NHSL2: variants seen among roughly 807,000 people sequenced by gnomAD.
NHSL2 encodes NHS like 2.
Under a neutral mutation model 53.4 loss-of-function variants are expected in NHSL2, and 27 were observed. The ratio of observed to expected loss-of-function variants is 0.51; its 90% CI spans 0.37 to 0.70. The LOEUF (loss-of-function observed/expected upper bound fraction) is 0.70. NHSL2 is among the 30% of genes least tolerant of loss of function. The pLI is 0.00. For synonymous variants in NHSL2, 408 were observed against 404.1 expected (o/e 1.01, Z -0.12); for missense variants, 892 against 980.1 (o/e 0.91, Z 1.20).
Position 72,150,586 on chromosome X carries a change from CTAATCAG to C in NHSL2, c.*7015_*7021del, listed in dbSNP as rs2042504531. The C allele has an allele frequency of 8.9e-6, 1 of 112,204 alleles. No homozygotes were observed. The highest frequency in any genetic ancestry group is 3.2e-5 in the African/African-American group (1 of 30,887). The allele number at this position is 112,204 out of a possible 1,213,427, so 9.2% of individuals were successfully genotyped here. ...TCTTATCAAACAATAACAGAATTCC[CTAATCAG>C]TACTAAGCTCCGCATGCAGTCTCTT... On this transcript the variant is annotated 3_prime_UTR_variant, in exon 8 of 8. Coordinates refer to ENST00000633930, the MANE Select transcript of NHSL2 (RefSeq NM_001013627.3).
intron 1 of NHSL2, among the ~76,000 whole-genome samples, chrX:72,067,684 G>T (rs907683201): frequency 8.9e-6 from 1 of 111,983 alleles, no homozygotes; most frequent in Admixed American, 9.4e-5. Flanking sequence ...CTTCATGCTT[G>T]CTCTGGGACC....
chrX:72,019,363 A>G (rs2042149620), intron 1 of NHSL2, among the ~76,000 whole-genome samples: 1 of 112,469 alleles, frequency 8.9e-6, no homozygotes, highest in East Asian at 2.8e-4. Flanking sequence ...AAGGAGGCCA[A>G]GCCTGTGGAG....
intron 1 of NHSL2, among the ~76,000 whole-genome samples, chrX:72,107,626 C>T (rs1602374369): frequency 8.9e-6 from 1 of 112,026 alleles, no homozygotes; most frequent in African/African-American, 3.2e-5. Flanking sequence ...GACTCATGTG[C>T]ACCAACAGAC....
intron 1 of NHSL2, among the ~76,000 whole-genome samples, chrX:72,087,723 T>G (rs1323943877): frequency 9.2e-6 from 1 of 108,812 alleles, no homozygotes; most frequent in Non-Finnish European, 1.9e-5. Context: ...TACAAAAAAA[T>G]TAGCCAGGCG....
At chrX:71,934,208 C>T (rs190787538) in intron 1 of NHSL2, among the ~76,000 whole-genome samples, 3 of 112,104 alleles carry the variant, frequency 2.7e-5, no homozygotes, top group Admixed American at 1.9e-4. Context: ...CTTCTTTCAT[C>T]AATACCATGC....
intron 1 of NHSL2, among the ~76,000 whole-genome samples, chrX:71,921,841 A>T (rs2041660897): frequency 8.9e-6 from 1 of 112,641 alleles, no homozygotes; most frequent in South Asian, 3.7e-4. Context: ...CAACGTCTAG[A>T]TCAGACTCTG....
chrX:72,112,234 A>G (rs751995732), intron 1 of NHSL2, among the ~76,000 whole-genome samples: 4 of 110,071 alleles, frequency 3.6e-5, no homozygotes, highest in Non-Finnish European at 5.7e-5. Flanking sequence ...GGCCTTATAG[A>G]TCATGGTAAG....
At chrX:72,119,015 A>G (rs771586806) in intron 1 of NHSL2, among the ~76,000 whole-genome samples, 268 of 111,459 alleles carry the variant, frequency 2.4e-3, no homozygotes, top group African/African-American at 8.6e-3. Context: ...AGCGCCACTT[A>G]CTGAAAAGAT....
rs865887873 is a variant in NHSL2, at chrX:72,148,833, A to T, written c.*5259A>T. ...TGGAGAGGGAGAAAGAGAGAGAGAGAGAGTGTATGTGTGTGTGTGTGTGTG... is the reference window on the plus strand; with the variant it reads ...TGGAGAGGGAGAAAGAGAGAGAGAGTGAGTGTATGTGTGTGTGTGTGTGTG... On this transcript the variant is annotated 3_prime_UTR_variant, in exon 8 of 8. Coordinates refer to ENST00000633930, the MANE Select transcript of NHSL2 (RefSeq NM_001013627.3). 1.2e-4 allele frequency: 8 copies of T among 67,765 alleles called. No individual in the cohort carries two copies. The highest frequency in any genetic ancestry group is 5.6e-5 in the Non-Finnish European group (2 of 35,800). The allele number at this position is 67,765 out of a possible 1,213,427, so 5.6% of individuals were successfully genotyped here.
intron 1 of NHSL2, among the ~76,000 whole-genome samples, chrX:72,098,140 T>C (rs144363520): frequency 0.039 from 4,396 of 112,123 alleles, 126 homozygotes; most frequent in South Asian, 0.1. Flanking sequence ...TTCCTCAGGC[T>C]CTTCCTTGGC....
rs770523012 is a variant in NHSL2 at position 72,140,373 on chromosome X, C to T, written c.2825C>T (p.Thr942Ile). 66 of 1,211,255 alleles carry T rather than the reference C, an allele frequency of 5.4e-5. No individual in the cohort carries two copies. The highest frequency in any genetic ancestry group is 7.4e-5 in the Non-Finnish European group (66 of 895,174). ...GATGGCAGAAGCCCAGGGGAGTCAA[C>T]AGCACCCTCATCTCTTGTTTTCACG... is the stretch of plus-strand genomic sequence containing the variant. ...FPDGRSPGES[T>I]APSSLVFTPF... The change falls in exon 6 of 8, where the codon ACA (threonine) becomes ATA (isoleucine). Residue 942 changes from threonine to isoleucine, a missense_variant. Physicochemically the swap from Thr to Ile is moderately conservative, Grantham distance 89. Transcript: ENST00000633930.
chrX:71,915,299 T>A (rs1461911922), intron 1 of NHSL2, among the ~76,000 whole-genome samples: 5 of 111,512 alleles, frequency 4.5e-5, no homozygotes, highest in Non-Finnish European at 1.9e-5. Flanking sequence ...TGATTAGGTT[T>A]TAGGAGGAGA....
intron 1 of NHSL2, among the ~76,000 whole-genome samples, chrX:72,095,040 G>A (rs891599229): frequency 8.9e-6 from 1 of 112,040 alleles, no homozygotes; most frequent in Admixed American, 9.5e-5. Flanking sequence ...GCACCACTTG[G>A]TCTAAAACAG....
intron 1 of NHSL2, among the ~76,000 whole-genome samples, chrX:72,049,741 AT>A (rs2042328941): frequency 1.9e-5 from 2 of 107,430 alleles, no homozygotes; most frequent in South Asian, 8.5e-4. Flanking sequence ...TCTAGAAAAC[AT>A]TGTGAGTGCC....
At chrX:72,012,035 A>G (rs1245697927) in intron 1 of NHSL2, among the ~76,000 whole-genome samples, 1 of 111,930 alleles carries the variant, frequency 8.9e-6, no homozygotes, top group Non-Finnish European at 1.9e-5. Flanking sequence ...TGTCAGACAT[A>G]TGGTTTGCAA....
At chrX:72,115,431 CG>C (rs11336322) in intron 1 of NHSL2, among the ~76,000 whole-genome samples, 4,321 of 15,871 alleles carry the variant, frequency 0.27, 286 homozygotes, top group Middle Eastern at 0.41. Context: ...TTGGTGGGGG[CG>C]GGGGGGGGGT....
chrX:71,957,691 G>T (rs1234704732), intron 1 of NHSL2, among the ~76,000 whole-genome samples: 1 of 110,235 alleles, frequency 9.1e-6, no homozygotes, highest in Non-Finnish European at 1.9e-5. Flanking sequence ...GGGAATTTGT[G>T]GTGGTAGCAG....
At chrX:72,116,605 G>A (rs761427564) in intron 1 of NHSL2, among the ~76,000 whole-genome samples, 1 of 112,088 alleles carries the variant, frequency 8.9e-6, no homozygotes, top group Non-Finnish European at 1.9e-5. Flanking sequence ...AAAGGACTGC[G>A]TGCGTGGGTC....
Position 72,137,197 on chromosome X carries a change from A to T in NHSL2, c.864A>T (p.Gly288=), listed in dbSNP as rs1333941203. The stretch of plus-strand genomic sequence containing the variant: ...TGAGGCGGAGGCGGACCATTATTGG[A>T]TTCTCTAACTTTTCCCAGCGAGACC... The part of the protein sequence containing the change: ...STLRRRRTII[G]FSNFSQRDQG... Residue 288 remains glycine, a synonymous_variant, in exon 5 of 8, where the codon GGA becomes GGT. Coordinates refer to ENST00000633930, the MANE Select transcript of NHSL2 (RefSeq NM_001013627.3). 4.3e-6 allele frequency: 5 copies of T among 1,164,668 alleles called. No individual in the cohort carries two copies. In the Admixed American group the frequency reaches 1.3e-4, roughly 30 times the overall value.
Sources: allele counts gnomAD v4.1 joint callset (sites outside exome capture counted in the v4.1 genomes callset), GRCh38; gene constraint gnomAD v4.1.1; transcripts MANE v1.5; gene names NCBI Gene and HGNC (gene_info 2026-07-23, HGNC 2026-07-21).